The following SOX6 variants were observed in gnomAD, a reference collection of about 807,000 sequenced individuals.
SOX6 encodes the protein SRY-box transcription factor 6.
Under a neutral mutation model 97.8 loss-of-function variants are expected in SOX6, and 11 were observed. The ratio of observed to expected loss-of-function variants is 0.11; its 90% CI spans 0.07 to 0.19. The LOEUF (loss-of-function observed/expected upper bound fraction) is 0.19, where lower values mean the gene tolerates loss of function less well. Among genes scored for constraint, SOX6 ranks in the 10% least tolerant of loss-of-function variants. SOX6 has a pLI of 1.00. For synonymous variants in SOX6, 360 were observed against 371.4 expected, an observed-to-expected ratio of 0.97 and a Z score of 0.35; for missense variants, 810 against 1,039.5, an observed-to-expected ratio of 0.78 and a Z score of 3.04.
At chr11:16,558,198 C>T (rs1436604601) in intron 4 of SOX6, among the ~76,000 whole-genome samples, 1 of 151,892 alleles carries the variant, frequency 6.6e-6, no homozygotes, top group Non-Finnish European at 1.5e-5. Flanking sequence ...GCTCTATAAA[C>T]TCTGATTGCT....
At chr11:15,979,049 A>G (rs1471998451) in intron 15 of SOX6, among the ~76,000 whole-genome samples, 1 of 136,342 alleles carries the variant, frequency 7.3e-6, no homozygotes, top group Non-Finnish European at 1.6e-5. Flanking sequence ...TTACATATAT[A>G]TATATATATA....
At chr11:16,156,889 AT>A (rs1850615669) in intron 6 of SOX6, among the ~76,000 whole-genome samples, 1 of 151,654 alleles carries the variant, frequency 6.6e-6, no homozygotes, top group Non-Finnish European at 1.5e-5. Flanking sequence ...TCCTTAACCT[AT>A]TTTTCTTCAT....
intron 3 of SOX6, among the ~76,000 whole-genome samples, chr11:16,713,130 T>G (rs2134048860): frequency 6.6e-6 from 1 of 152,358 alleles, no homozygotes; most frequent in Admixed American, 6.5e-5. Context: ...TCAGATTTTT[T>G]CTTAGACAGC....
chr11:16,403,758 A>G (rs187005064), intron 1 of SOX6, among the ~76,000 whole-genome samples: 194 of 151,900 alleles, frequency 1.3e-3, no homozygotes, highest in Admixed American at 2.2e-3. Flanking sequence ...TAATTTAAGA[A>G]TTCTGTACAA....
intron 4 of SOX6, among the ~76,000 whole-genome samples, chr11:16,187,986 GGA>G (rs1353371888): frequency 6.6e-6 from 1 of 152,132 alleles, no homozygotes; most frequent in Non-Finnish European, 1.5e-5. Context: ...GTGTGCAGAA[GGA>G]GAGACTTCCA....
intron 4 of SOX6, among the ~76,000 whole-genome samples, chr11:16,508,441 T>C (rs1285902765): frequency 8.5e-5 from 13 of 152,126 alleles, no homozygotes; most frequent in Admixed American, 8.5e-4. Context: ...AGCAAAGTCA[T>C]AAAATCAACC....
chr11:16,076,735 ATTTTTTTTTT>A (rs1156737950), intron 9 of SOX6, among the ~76,000 whole-genome samples: 2,410 of 94,160 alleles, frequency 0.026, 99 homozygotes, highest in African/African-American at 0.12. Flanking sequence ...GGTACTACAC[ATTTTTTTTTT>A]TTTTTTTTTT....
intron 15 of SOX6, among the ~76,000 whole-genome samples, chr11:15,976,240 G>C (rs1473821276): frequency 6.6e-6 from 1 of 152,166 alleles, no homozygotes; most frequent in Non-Finnish European, 1.5e-5. Flanking sequence ...CTGGGAAGAA[G>C]GTTATGTGGT....
intron 12 of SOX6, among the ~76,000 whole-genome samples, chr11:16,027,322 A>G (rs1855241008): frequency 6.6e-6 from 1 of 152,202 alleles, no homozygotes; most frequent in African/African-American, 2.4e-5. Context: ...GGAGAAGTAT[A>G]TATTAACAAA....
chr11:15,970,270 G>T lies in SOX6; in HGVS notation c.*2539C>A, dbSNP rs1173573500. 1 of 152,478 alleles carries T rather than the reference G, an allele frequency of 6.6e-6. No homozygotes were observed. Among genetic ancestry groups the T allele is most frequent in the Non-Finnish European group, 1.5e-5 (1 of 68,010 alleles). The allele number at this position is 152,478 out of a possible 1,614,324, so 9.4% of individuals were successfully genotyped here. The stretch of plus-strand genomic sequence containing the variant: ...TTTTACTTACTATGAGCAAAATCAA[G>T]TTTCAGTCCTAAAGAACAGTCCTTT... On this transcript the variant is annotated 3_prime_UTR_variant, in exon 16 of 16. Coordinates refer to ENST00000683767, the MANE Select transcript of SOX6 (RefSeq NM_001367873.1).
intron 3 of SOX6, among the ~76,000 whole-genome samples, chr11:16,303,213 C>G (rs116657605): frequency 0.015 from 2,241 of 152,146 alleles, 57 homozygotes; most frequent in African/African-American, 0.051. Context: ...TCCTTTTAAT[C>G]ATAATATTAT....
intron 2 of SOX6, among the ~76,000 whole-genome samples, chr11:16,338,526 C>A (rs1378016636): frequency 6.6e-6 from 1 of 151,934 alleles, no homozygotes; most frequent in East Asian, 1.9e-4. Context: ...GAAAAAGAAG[C>A]ACAAAGGGAA....
intron 9 of SOX6, among the ~76,000 whole-genome samples, chr11:16,070,615 C>A (rs1848200772): frequency 6.6e-6 from 1 of 152,142 alleles, no homozygotes; most frequent in African/African-American, 2.4e-5. Flanking sequence ...TTAGTGAACA[C>A]TGACCCTGCA....
intron 12 of SOX6, among the ~76,000 whole-genome samples, chr11:16,024,516 A>G (rs1042224467): frequency 2.0e-5 from 3 of 150,966 alleles, no homozygotes; most frequent in African/African-American, 7.3e-5. Flanking sequence ...CCATCCATCT[A>G]TATATTTATC....
At chr11:16,612,797 C>A (rs1435250455) in intron 3 of SOX6, among the ~76,000 whole-genome samples, 2 of 152,032 alleles carry the variant, frequency 1.3e-5, no homozygotes, top group Non-Finnish European at 2.9e-5. Flanking sequence ...CCACTCTCAC[C>A]GACACTGCAG....
rs117254490 is a variant in SOX6 at position 16,555,044 on chromosome 11, T to C, written n.609+57037A>G. 4.7e-3 allele frequency among the ~76,000 whole-genome samples: 713 copies of C among 152,144 alleles called. 8 individuals are homozygous for C. Among genetic ancestry groups the C allele is most frequent in the Non-Finnish European group, 3.1e-3 (210 of 67,918 alleles). On this transcript the variant is annotated intron_variant and non_coding_transcript_variant, in intron 4 of 5. Coordinates refer to the SOX6 transcript ENST00000524520. ...CTACTTAAAAGATGTACAAGACTAC[T>C]TCTCTAAATGTTTCACATAGAAATA... is the stretch of plus-strand genomic sequence containing the variant.
intron 3 of SOX6, among the ~76,000 whole-genome samples, chr11:16,257,514 A>G (rs1392980857): frequency 6.6e-6 from 1 of 151,938 alleles, no homozygotes; most frequent in Non-Finnish European, 1.5e-5. Context: ...GTGCAAAAGG[A>G]GGAGTCTAGA....
chr11:16,353,861 C>A (rs558833432), intron 1 of SOX6, among the ~76,000 whole-genome samples: 23 of 152,036 alleles, frequency 1.5e-4, no homozygotes, highest in African/African-American at 5.3e-4. Flanking sequence ...TTTATCTGGT[C>A]CTGTTCTTTC....
At chr11:16,483,396 G>A (rs763798340) in intron 4 of SOX6, among the ~76,000 whole-genome samples, 4 of 152,004 alleles carry the variant, frequency 2.6e-5, no homozygotes, top group Non-Finnish European at 5.9e-5. Context: ...GCAAAGAGAA[G>A]TCTTGCTGAA....
Sources: gnomAD v4.1 joint callset for allele counts (sites outside exome capture counted in the v4.1 genomes callset) on GRCh38, gnomAD v4.1.1 for gene constraint, MANE v1.5 for transcripts, NCBI Gene and HGNC (gene_info 2026-07-23, HGNC 2026-07-21) for gene names.